Variants in PTCHD4 observed in about 807,000 individuals in gnomAD.
The protein encoded by PTCHD4 is patched domain containing 4, also known as patched domain-containing protein 4.
In PTCHD4, 33 loss-of-function variants were observed where a neutral mutation model predicts 58.1. The ratio of observed to expected loss-of-function variants is 0.57; its 90% confidence interval spans 0.43 to 0.76. The LOEUF is 0.76. Ranked by LOEUF, PTCHD4 falls within the 30% of genes least tolerant of loss-of-function variation. The probability of loss-of-function intolerance (pLI) is 0.00; values close to 1 mark genes in which losing one functional copy is unlikely to be tolerated. For synonymous variants in PTCHD4, 478 were observed against 409.6 expected, an observed-to-expected ratio of 1.17 and a Z score of -2.02; for missense variants, 1,058 against 1,027.1, an observed-to-expected ratio of 1.03 and a Z score of -0.41.
intron 1 of PTCHD4, among the ~76,000 whole-genome samples, chr6:48,089,654 T>A (rs1765327216): frequency 6.6e-6 from 1 of 152,258 alleles, no homozygotes; most frequent in Admixed American, 6.5e-5. Context: ...TAAACGTCAA[T>A]CCACTTAATC....
chr6:47,989,610 G>A (rs1193406001), intron 4 of PTCHD4, among the ~76,000 whole-genome samples: 1 of 152,174 alleles, frequency 6.6e-6, no homozygotes, highest in Non-Finnish European at 1.5e-5. Context: ...AGAAGGTGGA[G>A]GCCCCAAGCC....
intron 4 of PTCHD4, among the ~76,000 whole-genome samples, chr6:47,940,706 A>T (rs1317344258): frequency 6.6e-6 from 1 of 152,224 alleles, no homozygotes; most frequent in East Asian, 1.9e-4. Context: ...ATGACTTAAT[A>T]GGAAAGTCAC....
rs543998739 is a variant in PTCHD4 at position 48,068,671 on chromosome 6, G to A, written c.6-30C>T. ...AAAAGCACATGTGACATGTGTAAGC[G>A]CCGGGCTACCCCGTTCTCCCCCATC... On this transcript the variant is annotated intron_variant, in intron 2 of 4. Coordinates refer to ENST00000339488, the MANE Select transcript of PTCHD4 (RefSeq NM_001384253.1). This position sits in a 1 kb window ranked among gnomAD's most constrained non-coding sequence, Gnocchi z 4.2. 61 of 1,519,556 alleles carry A rather than the reference G, an allele frequency of 4.0e-5. 3 individuals are homozygous for A. In the South Asian group the frequency reaches 7.0e-4, roughly 18 times the overall value. The allele number at this position is 1,519,556 out of a possible 1,614,324, so 94.1% of individuals were successfully genotyped here.
At chr6:47,970,163 G>A (rs12211523) in intron 4 of PTCHD4, among the ~76,000 whole-genome samples, 18,514 of 152,162 alleles carry the variant, frequency 0.12, 1,457 homozygotes, top group South Asian at 0.2. Context: ...AAAACAAGAA[G>A]AGAAAGGAGA....
At chr6:47,978,087 C>A (rs1767761392) in intron 4 of PTCHD4, among the ~76,000 whole-genome samples, 2 of 151,892 alleles carry the variant, frequency 1.3e-5, no homozygotes, top group South Asian at 4.2e-4. Context: ...TGCTTCCCTA[C>A]TCCTCTCCCT....
chr6:47,945,577 C>A (rs757879844), intron 4 of PTCHD4, among the ~76,000 whole-genome samples: 1 of 151,800 alleles, frequency 6.6e-6, no homozygotes, highest in African/African-American at 2.4e-5. Context: ...AATCATTCTG[C>A]GTGTTATTTT....
intron 4 of PTCHD4, among the ~76,000 whole-genome samples, chr6:48,007,938 A>G (rs201230034): frequency 0.12 from 338 of 2,770 alleles, 4 homozygotes; most frequent in South Asian, 0.43. Context: ...GCGCGCGCGC[A>G]CACACACACA....
chr6:47,911,008 A>C (rs1765051100), intron 4 of PTCHD4, among the ~76,000 whole-genome samples: 1 of 152,138 alleles, frequency 6.6e-6, no homozygotes, highest in South Asian at 2.1e-4. Flanking sequence ...CAACATCATC[A>C]ACAACAACAG....
At chr6:47,922,010 A>C (rs1765447733) in intron 4 of PTCHD4, among the ~76,000 whole-genome samples, 1 of 151,168 alleles carries the variant, frequency 6.6e-6, no homozygotes, top group African/African-American at 2.4e-5. Flanking sequence ...ATGGTGGTGC[A>C]TGCCTGAGCC....
chr6:47,905,935 A>C (rs1052135557), intron 4 of PTCHD4, among the ~76,000 whole-genome samples: 4 of 152,244 alleles, frequency 2.6e-5, no homozygotes, highest in Non-Finnish European at 5.9e-5. Flanking sequence ...CTGAGCTAGC[A>C]GCTTGCTGGA....
chr6:47,922,141 GA>G (rs569502667), intron 4 of PTCHD4, among the ~76,000 whole-genome samples: 62 of 151,360 alleles, frequency 4.1e-4, no homozygotes, highest in African/African-American at 1.2e-3. Flanking sequence ...TGTCTTAAAA[GA>G]AAAAAAAGTT....
chr6:48,029,407 G>T (rs925977997), intron 3 of PTCHD4, among the ~76,000 whole-genome samples: 1 of 152,002 alleles, frequency 6.6e-6, no homozygotes, highest in Non-Finnish European at 1.5e-5. Context: ...AAAACTGATG[G>T]ATTGATAAAA....
intron 1 of PTCHD4, among the ~76,000 whole-genome samples, chr6:48,080,325 T>C (rs1765141177): frequency 6.6e-6 from 1 of 152,216 alleles, no homozygotes; most frequent in Non-Finnish European, 1.5e-5. Context: ...CCACATATAC[T>C]GACACATCTC....
chr6:48,009,402 C>A (rs995675055), intron 3 of PTCHD4, among the ~76,000 whole-genome samples: 5 of 152,136 alleles, frequency 3.3e-5, no homozygotes, highest in African/African-American at 1.2e-4. Flanking sequence ...ACTCATATCC[C>A]GATTCCCAAC....
chr6:47,929,058 CTAT>C (rs1405194176), intron 4 of PTCHD4, among the ~76,000 whole-genome samples: 3 of 151,898 alleles, frequency 2.0e-5, no homozygotes, highest in Non-Finnish European at 2.9e-5. Context: ...TAGAATGAGG[CTAT>C]TATTATAAAA....
At chr6:47,996,333 G>T (rs140001841) in intron 4 of PTCHD4, among the ~76,000 whole-genome samples, 1 of 152,186 alleles carries the variant, frequency 6.6e-6, no homozygotes, top group African/African-American at 2.4e-5. Context: ...AAATTAGCCG[G>T]GTGTGGTGTT....
At chr6:48,088,823 T>G (rs758469202) in intron 1 of PTCHD4, among the ~76,000 whole-genome samples, 1 of 152,028 alleles carries the variant, frequency 6.6e-6, no homozygotes, top group Non-Finnish European at 1.5e-5. Context: ...GCGGGTGGAT[T>G]ACCTGAGGTC....
chr6:48,000,722 C>T (rs558520378), intron 4 of PTCHD4, among the ~76,000 whole-genome samples: 2 of 152,248 alleles, frequency 1.3e-5, no homozygotes, highest in Admixed American at 1.3e-4. Context: ...ATGTATTAGG[C>T]CTTTCCTTTA....
rs924587869 is a variant in PTCHD4 at position 47,861,208 on chromosome 6, C to G, written c.*17095G>C. ...CCTGATTTTTCTTTAGGCCATCCTT[C>G]TAAATATGTCTTAGTCATTGCTGTG... is the stretch of plus-strand genomic sequence containing the variant. On this transcript the variant is annotated 3_prime_UTR_variant, in exon 5 of 5. Transcript: ENST00000339488. 6.6e-6 allele frequency among the ~76,000 whole-genome samples: 1 copy of G among 151,724 alleles called. No homozygotes were observed. The highest frequency in any genetic ancestry group is 6.6e-5 in the Admixed American group (1 of 15,196).
Sources: gnomAD v4.1 joint callset for allele counts (sites outside exome capture counted in the v4.1 genomes callset) on GRCh38, gnomAD v4.1.1 for gene constraint, Gnocchi (gnomAD v3.1) non-coding constraint, MANE v1.5 for transcripts, NCBI Gene and HGNC (gene_info 2026-07-23, HGNC 2026-07-21) for gene names.